SLC35F1: variants seen among roughly 807,000 people sequenced by gnomAD.
SLC35F1 encodes solute carrier family 35 member F1, also known as chromosome 6 open reading frame 169.
SLC35F1 carries 14 observed loss-of-function variants against 48.7 expected under a neutral mutation model. The observed-to-expected ratio is 0.29, with a 90% CI of 0.19 to 0.45. The LOEUF is 0.45. Ranked by LOEUF, SLC35F1 falls within the 20% of genes least tolerant of loss-of-function variation. The pLI, the probability that SLC35F1 is intolerant of heterozygous loss-of-function variation, is 1.00. For synonymous variants in SLC35F1, 190 were observed against 202.2 expected (o/e 0.94, Z 0.51); for missense variants, 404 against 500.0 (o/e 0.81, Z 1.83).
intron 1 of SLC35F1, among the ~76,000 whole-genome samples, chr6:118,081,581 G>C (rs1772908852): frequency 1.3e-5 from 2 of 152,150 alleles, no homozygotes; most frequent in Non-Finnish European, 2.9e-5. Flanking sequence ...GCTGCAGTAA[G>C]CTGTGATTGT....
intron 3 of SLC35F1, among the ~76,000 whole-genome samples, chr6:118,253,484 CT>C (rs1328618032): frequency 6.6e-6 from 1 of 152,078 alleles, no homozygotes; most frequent in Non-Finnish European, 1.5e-5. Flanking sequence ...AAATGCAACT[CT>C]TTTAAAGAAG....
chr6:118,070,697 T>C (rs1349027465), intron 1 of SLC35F1, among the ~76,000 whole-genome samples: 1 of 151,260 alleles, frequency 6.6e-6, no homozygotes. Context: ...ATTTCTTTTT[T>C]TTAAATTTTA....
At chr6:118,014,721 A>ATTT (rs1401446554) in intron 1 of SLC35F1, among the ~76,000 whole-genome samples, 1 of 152,158 alleles carries the variant, frequency 6.6e-6, no homozygotes, top group African/African-American at 2.4e-5. Flanking sequence ...GAGACACCAA[A>ATTT]TTTTAAGGAA....
intron 7 of SLC35F1, among the ~76,000 whole-genome samples, chr6:118,313,290 A>G (rs77433295): frequency 0.085 from 12,999 of 152,284 alleles, 658 homozygotes; most frequent in East Asian, 0.15. Context: ...TCCAGGAGTC[A>G]TAATTTTCCA....
intron 1 of SLC35F1, among the ~76,000 whole-genome samples, chr6:118,121,401 T>C (rs998909206): frequency 1.3e-5 from 2 of 152,192 alleles, no homozygotes; most frequent in Non-Finnish European, 2.9e-5. Context: ...AAAGTTATAA[T>C]TGTCATTTTA....
At position 118,315,174 on chromosome 6, in the gene SLC35F1, G is replaced by A. The variant is rs1776416865; in HGVS notation, c.*922G>A. The A allele has an allele frequency of 1.3e-5, 2 of 152,484 alleles. No individual in the cohort carries two copies. The highest frequency in any genetic ancestry group is 6.5e-5 in the Admixed American group (1 of 15,274). 9.4% of individuals were successfully genotyped at this position (152,484 alleles called of 1,614,324 possible). On this transcript the variant is annotated 3_prime_UTR_variant, in exon 8 of 8. Transcript: ENST00000360388. ...TAATATGGAAATTAATCAAGGCACTGGAAAAAGCCATGGTCCTCTGCCCTT... is the reference window on the plus strand; with the variant it reads ...TAATATGGAAATTAATCAAGGCACTAGAAAAAGCCATGGTCCTCTGCCCTT...
intron 2 of SLC35F1, among the ~76,000 whole-genome samples, chr6:118,191,409 T>A (rs976567859): frequency 6.6e-6 from 1 of 151,926 alleles, no homozygotes; most frequent in Admixed American, 6.6e-5. Flanking sequence ...TAGATAAGAG[T>A]CTCATGATTG....
intron 1 of SLC35F1, among the ~76,000 whole-genome samples, chr6:118,106,335 TTTA>T (rs967309117): frequency 6.6e-6 from 1 of 152,334 alleles, no homozygotes; most frequent in African/African-American, 2.4e-5. Flanking sequence ...AAGAGAATTC[TTTA>T]TTTCTCTCCC....
chr6:118,148,774 C>G (rs539814015), intron 1 of SLC35F1, among the ~76,000 whole-genome samples: 1 of 152,136 alleles, frequency 6.6e-6, no homozygotes, highest in Non-Finnish European at 1.5e-5. Context: ...AAATTCCAAC[C>G]GGCACCATAT....
At chr6:118,169,608 G>A (rs996624571) in intron 2 of SLC35F1, among the ~76,000 whole-genome samples, 3 of 152,066 alleles carry the variant, frequency 2.0e-5, no homozygotes, top group African/African-American at 2.4e-5. Flanking sequence ...CACCCATCGC[G>A]TCTTACCTGG....
chr6:118,129,850 A>T (rs1450668255), intron 1 of SLC35F1, among the ~76,000 whole-genome samples: 1 of 152,166 alleles, frequency 6.6e-6, no homozygotes, highest in African/African-American at 2.4e-5. Flanking sequence ...GTGCCTTCTG[A>T]GACAGAAAAT....
chr6:117,928,639 A>G (rs1309284208), intron 1 of SLC35F1, among the ~76,000 whole-genome samples: 2 of 152,208 alleles, frequency 1.3e-5, no homozygotes, highest in East Asian at 1.9e-4. Flanking sequence ...CATATAAGCC[A>G]TAGATACTAG....
chr6:117,996,396 C>G (rs1227137217), intron 1 of SLC35F1, among the ~76,000 whole-genome samples: 2 of 152,192 alleles, frequency 1.3e-5, no homozygotes, highest in African/African-American at 4.8e-5. Context: ...CAGGTGATTT[C>G]TGCATTTCCG....
At chr6:117,908,807 T>C (rs1775728617) in intron 1 of SLC35F1, among the ~76,000 whole-genome samples, 1 of 152,196 alleles carries the variant, frequency 6.6e-6, no homozygotes, top group Admixed American at 6.5e-5. Context: ...TTGTGTTCTT[T>C]TTTGTTTGGA....
chr6:117,929,436 T>C (rs1776071306), intron 1 of SLC35F1, among the ~76,000 whole-genome samples: 1 of 148,504 alleles, frequency 6.7e-6, no homozygotes, highest in Non-Finnish European at 1.5e-5. Context: ...CACATTTGTA[T>C]ATATGTGTAT....
chr6:118,013,017 C>T (rs901989628), intron 1 of SLC35F1, among the ~76,000 whole-genome samples: 2 of 152,244 alleles, frequency 1.3e-5, no homozygotes, highest in East Asian at 3.9e-4. Context: ...CCCCTACCCC[C>T]ACCAGAGAAC....
intron 1 of SLC35F1, among the ~76,000 whole-genome samples, chr6:118,007,114 T>A (rs1372722443): frequency 1.3e-5 from 2 of 152,048 alleles, no homozygotes; most frequent in Non-Finnish European, 2.9e-5. Flanking sequence ...AGAAAAGGAA[T>A]TTATCTCTTG....
intron 1 of SLC35F1, among the ~76,000 whole-genome samples, chr6:118,134,120 C>G (rs1773757724): frequency 2.0e-5 from 3 of 152,164 alleles, no homozygotes; most frequent in Admixed American, 2.0e-4. Context: ...AAAGATATAT[C>G]AGCAAGAGAA....
chr6:118,055,111 G>A (rs1772445679), intron 1 of SLC35F1, among the ~76,000 whole-genome samples: 1 of 152,126 alleles, frequency 6.6e-6, no homozygotes. Flanking sequence ...ATGTATCCGA[G>A]TATTGAAAGA....
Sources: allele counts gnomAD v4.1 joint callset (sites outside exome capture counted in the v4.1 genomes callset), GRCh38; gene constraint gnomAD v4.1.1; transcripts MANE v1.5; gene names NCBI Gene and HGNC (gene_info 2026-07-23, HGNC 2026-07-21).